The following MLLT3 variants were observed in gnomAD, a reference collection of about 807,000 sequenced individuals.
MLLT3 encodes the protein protein AF-9.
A neutral mutation model predicts 53.2 loss-of-function variants in MLLT3; 4 were observed. The ratio of observed to expected loss-of-function variants is 0.08; its 90% confidence interval spans 0.04 to 0.17. The LOEUF (loss-of-function observed/expected upper bound fraction) is 0.17, where lower values mean the gene tolerates loss of function less well. Ranked by LOEUF, MLLT3 falls within the 10% of genes least tolerant of loss-of-function variation. The probability of loss-of-function intolerance (pLI) is 1.00; values close to 1 mark genes in which losing one functional copy is unlikely to be tolerated. For synonymous variants in MLLT3, 283 were observed against 230.6 expected (o/e 1.23, Z -2.06); for missense variants, 569 against 684.0 (o/e 0.83, Z 1.87).
intron 4 of MLLT3, among the ~76,000 whole-genome samples, chr9:20,446,867 T>C (rs1395405121): frequency 1.3e-5 from 2 of 152,226 alleles, no homozygotes; most frequent in Non-Finnish European, 2.9e-5. Flanking sequence ...CATGAAGCTG[T>C]ATTTCTCCCA....
intron 2 of MLLT3, among the ~76,000 whole-genome samples, chr9:20,458,660 C>G (rs1057323005): frequency 1.3e-5 from 2 of 152,150 alleles, no homozygotes; most frequent in Non-Finnish European, 2.9e-5. Context: ...GTCTGCAACT[C>G]TGAGGAGGGC....
intron 2 of MLLT3, among the ~76,000 whole-genome samples, chr9:20,546,006 A>G (rs1041357332): frequency 2.0e-5 from 3 of 152,234 alleles, no homozygotes; most frequent in Non-Finnish European, 2.9e-5. Context: ...GCAGCACAGC[A>G]AGATCTCATC....
chr9:20,388,079 G>A (rs991308701), intron 5 of MLLT3, among the ~76,000 whole-genome samples: 1 of 152,122 alleles, frequency 6.6e-6, no homozygotes, highest in Non-Finnish European at 1.5e-5. Flanking sequence ...TTACCTAGAT[G>A]AAATTTTTCA....
At chr9:20,578,806 T>C (rs780510549) in intron 2 of MLLT3, among the ~76,000 whole-genome samples, 4 of 152,168 alleles carry the variant, frequency 2.6e-5, no homozygotes, top group Non-Finnish European at 4.4e-5. Flanking sequence ...TCTAAATACA[T>C]ACCAGATTCC....
chr9:20,432,833 G>C (rs551050719), intron 4 of MLLT3, among the ~76,000 whole-genome samples: 5 of 151,960 alleles, frequency 3.3e-5, no homozygotes, highest in Admixed American at 1.3e-4. Flanking sequence ...TCCTACATAT[G>C]TATGCTTTTG....
intron 2 of MLLT3, among the ~76,000 whole-genome samples, chr9:20,602,715 A>T (rs1191671488): frequency 1.3e-5 from 2 of 151,504 alleles, no homozygotes; most frequent in East Asian, 3.9e-4. Context: ...ATGATTATCA[A>T]ATCTCCTACT....
At position 20,344,726 on chromosome 9, in the gene MLLT3, T is replaced by G. The variant is rs1248342271; in HGVS notation, c.*1717A>C. ...GAAAGAAACAGTGTAAAAAATCCCC[T>G]TTTTAAAATGCAGAAATAACTCCAT... On this transcript the variant is annotated 3_prime_UTR_variant, in exon 11 of 11. Transcript: ENST00000380338. The G allele has an allele frequency of 2.9e-5, 6 of 205,908 alleles. No homozygotes were observed. The highest frequency in any genetic ancestry group is 1.4e-4 in the African/African-American group (6 of 43,892). The allele number at this position is 205,908 out of a possible 1,614,324, so 12.8% of individuals were successfully genotyped here.
At chr9:20,567,386 T>A (rs950502348) in intron 2 of MLLT3, among the ~76,000 whole-genome samples, 1 of 151,688 alleles carries the variant, frequency 6.6e-6, no homozygotes, top group Non-Finnish European at 1.5e-5. Flanking sequence ...ATTCTTTAAC[T>A]TTTTTAAAAG....
intron 3 of MLLT3, among the ~76,000 whole-genome samples, chr9:20,451,463 T>G (rs1274624318): frequency 1.3e-5 from 2 of 152,164 alleles, no homozygotes; most frequent in East Asian, 3.8e-4. Flanking sequence ...AACATCACTT[T>G]TCAATAAAAC....
At chr9:20,362,705 GCTT>G (rs1414632245) in intron 7 of MLLT3, 1 of 92,760 alleles carries the variant, frequency 1.1e-5, no homozygotes, top group Non-Finnish European at 1.7e-5. Context: ...GGTTAAGACC[GCTT>G]TTTTTTTTTT....
chr9:20,401,033 G>A (rs1026215344), intron 5 of MLLT3, among the ~76,000 whole-genome samples: 15 of 152,060 alleles, frequency 9.9e-5, no homozygotes, highest in African/African-American at 2.2e-4. Flanking sequence ...CAAACTAAGC[G>A]CTGAATAGAA....
At chr9:20,440,859 G>A (rs1823530137) in intron 4 of MLLT3, among the ~76,000 whole-genome samples, 1 of 152,118 alleles carries the variant, frequency 6.6e-6, no homozygotes, top group African/African-American at 2.4e-5. Context: ...ATTGGGGACA[G>A]GAGGTAGTAG....
chr9:20,357,913 G>C (rs962562299), intron 8 of MLLT3, among the ~76,000 whole-genome samples: 3 of 151,204 alleles, frequency 2.0e-5, no homozygotes, highest in Non-Finnish European at 4.4e-5. Flanking sequence ...TATTAATCGT[G>C]AAAATTCAGA....
intron 5 of MLLT3, among the ~76,000 whole-genome samples, chr9:20,392,290 A>G (rs1822204953): frequency 6.6e-6 from 1 of 152,178 alleles, no homozygotes; most frequent in Admixed American, 6.5e-5. Context: ...TCTGAACTAT[A>G]TTTCTATTTT....
intron 2 of MLLT3, among the ~76,000 whole-genome samples, chr9:20,524,931 G>A (rs1818160449): frequency 1.3e-5 from 2 of 152,014 alleles, no homozygotes; most frequent in Non-Finnish European, 2.9e-5. Context: ...CAGTCAGAAG[G>A]GAGCAGGAAC....
chr9:20,510,430 G>C (rs2118959531), intron 2 of MLLT3, among the ~76,000 whole-genome samples: 1 of 152,116 alleles, frequency 6.6e-6, no homozygotes, highest in Admixed American at 6.5e-5. Context: ...GGCCAACATG[G>C]TGAAACCTCA....
chr9:20,613,218 T>C (rs1274392041), intron 2 of MLLT3, among the ~76,000 whole-genome samples: 1 of 152,198 alleles, frequency 6.6e-6, no homozygotes, highest in East Asian at 1.9e-4. Flanking sequence ...ATAATGGCAA[T>C]GGTTACACAA....
chr9:20,483,241 ATTTT>A (rs201384457), intron 2 of MLLT3, among the ~76,000 whole-genome samples: 3 of 148,788 alleles, frequency 2.0e-5, no homozygotes, highest in Admixed American at 6.7e-5. Flanking sequence ...TATTATTATT[ATTTT>A]TTTTTTTGAG....
At chr9:20,438,518 A>T (rs969981223) in intron 4 of MLLT3, among the ~76,000 whole-genome samples, 2 of 152,196 alleles carry the variant, frequency 1.3e-5, no homozygotes, top group African/African-American at 4.8e-5. Flanking sequence ...TCCTGGGCTC[A>T]AGCGATCCTC....
Sources: gnomAD v4.1 joint callset for allele counts (sites outside exome capture counted in the v4.1 genomes callset) on GRCh38, gnomAD v4.1.1 for gene constraint, MANE v1.5 for transcripts, NCBI Gene and HGNC (gene_info 2026-07-23, HGNC 2026-07-21) for gene names.